Variants in JAML observed in about 807,000 individuals in gnomAD.
JAML encodes the protein junctional adhesion molecule-like.
A neutral mutation model predicts 39.3 loss-of-function variants in JAML; 25 were observed. That is an observed-to-expected ratio of 0.64 (90% confidence interval 0.46 to 0.89). JAML has a LOEUF of 0.89. Ranked by LOEUF, JAML falls within the 40% of genes least tolerant of loss-of-function variation. The pLI, the probability that JAML is intolerant of heterozygous loss-of-function variation, is 0.00. For synonymous variants in JAML, 162 were observed against 179.2 expected, an observed-to-expected ratio of 0.90 and a Z score of 0.77; for missense variants, 440 against 486.9, an observed-to-expected ratio of 0.90 and a Z score of 0.91.
chr11:118,203,937 TA>T lies in JAML; in HGVS notation c.535-273del, dbSNP rs571930322. 827 of 396,166 alleles carry T rather than the reference TA, an allele frequency of 2.1e-3. 1 individual carries two copies. Among genetic ancestry groups the T allele is most frequent in the Middle Eastern group, 2.9e-3 (4 of 1,370 alleles). The allele number at this position is 396,166 out of a possible 1,614,324, so 24.5% of individuals were successfully genotyped here. On this transcript the variant is annotated intron_variant, in intron 5 of 9. Transcript: ENST00000356289. The stretch of plus-strand genomic sequence containing the variant: ...ACTTTCATTTTGTGCACCTTTCCAA[TA>T]AAAAAAAAGCAAAAGTATACTTTTA...
rs1461378921 is a variant in JAML at position 118,203,621 on chromosome 11, C to T, written c.579G>A (p.Val193=). The T allele has an allele frequency of 6.8e-6, 11 of 1,614,058 alleles. No homozygotes were observed. Among genetic ancestry groups the T allele is most frequent in the Non-Finnish European group, 9.3e-6 (11 of 1,179,968 alleles). ...FRYYHKLRMS[V]EYSQSWGHFQ... ...AGTGGCCCCAGCTCTGGGAGTACTC[C>T]ACAGACATCCTGAGTTTGTGGTAGT... Residue 193 remains valine, a synonymous_variant, in exon 6 of 10, where the codon GTG becomes GTA. Coordinates refer to ENST00000356289, the MANE Select transcript of JAML (RefSeq NM_001098526.2).
At position 118,222,968 on chromosome 11, in the gene JAML, G is replaced by A. The variant is rs185420951; in HGVS notation, c.-21+1973C>T. 2.2e-3 allele frequency among the ~76,000 whole-genome samples: 328 copies of A among 151,992 alleles called. 2 individuals are homozygous for A. The highest frequency in any genetic ancestry group is 7.6e-3 in the African/African-American group (316 of 41,478). On this transcript the variant is annotated intron_variant, in intron 1 of 9. Transcript: ENST00000356289. The surrounding 1 kb of genome is among the most constrained non-coding windows in gnomAD (Gnocchi z 4.2). ...AAATTAATCAGGTGTGGTGGTGAGC[G>A]CCTGTAATCCCAGCTACTTGGGAGG...
At position 118,213,183 on chromosome 11, in the gene JAML, G is replaced by A. The variant is rs550358885; in HGVS notation, c.44-622C>T. 981 of 1,380,566 alleles carry A rather than the reference G, an allele frequency of 7.1e-4. 1 individual carries two copies. The highest frequency in any genetic ancestry group is 2.3e-3 in the Middle Eastern group (9 of 3,872). The allele number at this position is 1,380,566 out of a possible 1,614,324, so 85.5% of individuals were successfully genotyped here. On this transcript the variant is annotated intron_variant, in intron 2 of 9. Coordinates refer to ENST00000356289, the MANE Select transcript of JAML (RefSeq NM_001098526.2). ...TTCCAGCCTCTAGGTGCTTCACACA[G>A]GGACCCCTGCCCATTATCTCTATGT...
chr11:118,222,714 A>T lies in JAML; in HGVS notation c.-21+2227T>A, dbSNP rs535448470. Among the ~76,000 whole-genome samples, 78 of 152,338 alleles carry T rather than the reference A, an allele frequency of 5.1e-4. No individual in the cohort carries two copies. Among genetic ancestry groups the T allele is most frequent in the Non-Finnish European group, 8.4e-4 (57 of 68,026 alleles). ...AAAGAATGTGTTTTGGTGGGAGGTT[A>T]TAAGAAGGCGTGTGAATATGGTTTC... is the stretch of plus-strand genomic sequence containing the variant. On this transcript the variant is annotated intron_variant, in intron 1 of 9. Coordinates refer to ENST00000356289, the MANE Select transcript of JAML (RefSeq NM_001098526.2). The surrounding 1 kb of genome is among the most constrained non-coding windows in gnomAD (Gnocchi z 4.2).
At chr11:118,196,668 C>T (rs1156322151) in intron 9 of JAML, 67 bp downstream of exon 9, 6 of 1,423,128 alleles carry the variant, frequency 4.2e-6, no homozygotes, top group Non-Finnish European at 6.0e-6. Flanking sequence ...GCAACCCAGC[C>T]ACGCCCACCA....
chr11:118,208,697 A>T (rs184023992), intron 4 of JAML, among the ~76,000 whole-genome samples: 1 of 152,374 alleles, frequency 6.6e-6, no homozygotes, highest in East Asian at 1.9e-4. Context: ...CACACTCTTA[A>T]AGAATGCATC....
chr11:118,194,205 A>T lies in JAML; in HGVS notation c.*120T>A, dbSNP rs1948604555. 3 of 881,304 alleles carry T rather than the reference A, an allele frequency of 3.4e-6. No homozygotes were observed. The highest frequency in any genetic ancestry group is 2.0e-5 in the Admixed American group (1 of 50,376). The allele number at this position is 881,304 out of a possible 1,614,324, so 54.6% of individuals were successfully genotyped here. A position where few individuals can be genotyped will look rare whatever the true frequency, so the allele number is the denominator to read the frequency against. On this transcript the variant is annotated 3_prime_UTR_variant, in exon 10 of 10. Coordinates refer to ENST00000356289, the MANE Select transcript of JAML (RefSeq NM_001098526.2). ...TTCTCCATCTTCAGTGTATTGACCA[A>T]ACAATGAGACAGGAGGACAGCTGGG...
intron 6 of JAML, 114 bp from the exon 7 acceptor site, chr11:118,200,726 A>G: frequency 8.3e-7 from 1 of 1,200,768 alleles, no homozygotes; most frequent in Non-Finnish European, 1.2e-6. Context: ...GGGGAAGGCC[A>G]GACTCCACCC....
intron 2 of JAML, chr11:118,213,378 T>C: frequency 1.1e-5 from 11 of 981,092 alleles, no homozygotes; most frequent in Non-Finnish European, 1.3e-5. Context: ...ACAGAAAATG[T>C]GCCAGTCTTT....
At position 118,196,621 on chromosome 11, in the gene JAML, A is replaced by T. The variant is rs1368244129; in HGVS notation, c.1092+114T>A. 4 of 815,350 alleles carry T rather than the reference A, an allele frequency of 4.9e-6. No homozygotes were observed. In the East Asian group the frequency reaches 9.8e-5, roughly 20 times the overall value. The allele number at this position is 815,350 out of a possible 1,614,324, so 50.5% of individuals were successfully genotyped here. A position where few individuals can be genotyped will look rare whatever the true frequency, so the allele number is the denominator to read the frequency against. On this transcript the variant is annotated intron_variant, in intron 9 of 9. Coordinates refer to ENST00000356289, the MANE Select transcript of JAML (RefSeq NM_001098526.2). ...CTTCAGTTTCTCAGACTTTTCTGCT[A>T]CTTAGAAAAATCACCGCCCTCAGCA...
intron 9 of JAML, among the ~76,000 whole-genome samples, chr11:118,195,474 T>C (rs1948632702): frequency 6.6e-6 from 1 of 152,070 alleles, no homozygotes; most frequent in Non-Finnish European, 1.5e-5. Context: ...CTTAATAGGC[T>C]GGGTGCCTAT....
intron 1 of JAML, among the ~76,000 whole-genome samples, chr11:118,224,434 A>G (rs896138040): frequency 2.6e-5 from 4 of 152,230 alleles, no homozygotes; most frequent in Admixed American, 6.5e-5. Flanking sequence ...ACAGTGGTAT[A>G]ACTATGTAAA....
chr11:118,212,412 C>T lies in JAML; in HGVS notation c.193G>A (p.Ala65Thr), dbSNP rs745630392. 8.1e-6 allele frequency: 13 copies of T among 1,613,894 alleles called. No individual in the cohort carries two copies. Among genetic ancestry groups the T allele is most frequent in the Middle Eastern group, 1.7e-4 (1 of 6,060 alleles). ...TGATGTTTCCCCCGCGTTACCTTGGCGTGCTCTCCTGGTGACAGAGTCCAG... is the reference window on the plus strand; with the variant it reads ...TGATGTTTCCCCCGCGTTACCTTGGTGTGCTCTCCTGGTGACAGAGTCCAG... ...IDWTLSPGEH[A>T]KDEYVLYYYS... Residue 65 changes from alanine (A) to threonine (T), a missense_variant, in exon 3 of 10, where the codon GCC (alanine) becomes ACC (threonine). Ala to Thr is a moderately conservative substitution (Grantham distance 58). Coordinates refer to ENST00000356289, the MANE Select transcript of JAML (RefSeq NM_001098526.2).
chr11:118,213,286 T>C (rs1949096870), intron 2 of JAML: 4 of 1,080,588 alleles, frequency 3.7e-6, no homozygotes, highest in South Asian at 3.4e-5. Context: ...ATATGCTCTA[T>C]GCAAAGAGAC....
At chr11:118,216,053 T>C (rs1949136350) in intron 1 of JAML, among the ~76,000 whole-genome samples, 1 of 152,158 alleles carries the variant, frequency 6.6e-6, no homozygotes, top group South Asian at 2.1e-4. Context: ...ATCTGGCACA[T>C]ACGGTAGCCA....
intron 7 of JAML, 111 bp from the exon 8 acceptor site, chr11:118,198,202 C>T: frequency 1.1e-6 from 1 of 874,646 alleles, no homozygotes; most frequent in East Asian, 2.5e-5. Context: ...AGAGAAGGAA[C>T]TATTCTCTCT....
chr11:118,200,705 C>T, intron 6 of JAML, 93 bp from the exon 7 acceptor site: 1 of 1,480,816 alleles, frequency 6.8e-7, no homozygotes, highest in Non-Finnish European at 9.3e-7. Flanking sequence ...CCAGCCAGGC[C>T]ACGAAGCGGA....
At chr11:118,200,739 T>A in intron 6 of JAML, 127 bp from the exon 7 acceptor site, 1 of 1,019,978 alleles carries the variant, frequency 9.8e-7, no homozygotes, top group Non-Finnish European at 1.5e-6. Flanking sequence ...CTCCACCCCA[T>A]ATCTGGACAC....
intron 1 of JAML, among the ~76,000 whole-genome samples, chr11:118,224,437 T>C (rs1949240323): frequency 6.6e-6 from 1 of 152,236 alleles, no homozygotes; most frequent in African/African-American, 2.4e-5. Context: ...GTGGTATAAC[T>C]ATGTAAAATG....
Sources: allele counts gnomAD v4.1 joint callset (sites outside exome capture counted in the v4.1 genomes callset), GRCh38; gene constraint gnomAD v4.1.1; non-coding constraint Gnocchi (gnomAD v3.1); transcripts MANE v1.5; gene names NCBI Gene and HGNC (gene_info 2026-07-23, HGNC 2026-07-21).